The following VWC2 variants were observed in gnomAD, a reference collection of about 807,000 sequenced individuals.
VWC2 encodes von Willebrand factor C domain containing 2, also known as brorin.
Under a neutral mutation model 29.8 loss-of-function variants are expected in VWC2, and 14 were observed. That is an observed-to-expected ratio of 0.47 (90% CI 0.31 to 0.74). The LOEUF (loss-of-function observed/expected upper bound fraction) is 0.74. VWC2 is among the 30% of genes least tolerant of loss of function. The probability of loss-of-function intolerance (pLI) is 0.05; values close to 1 mark genes in which losing one functional copy is unlikely to be tolerated. For synonymous variants in VWC2, 213 were observed against 199.0 expected (o/e 1.07, Z -0.59); for missense variants, 457 against 459.8 (o/e 0.99, Z 0.05).
intron 2 of VWC2, among the ~76,000 whole-genome samples, chr7:49,785,135 T>C (rs769508627): frequency 3.9e-5 from 6 of 152,216 alleles, no homozygotes; most frequent in Non-Finnish European, 2.9e-5. Context: ...ATGAATGATA[T>C]CAATCCCATG....
intron 3 of VWC2, among the ~76,000 whole-genome samples, chr7:49,812,988 C>A (rs751038647): frequency 5.9e-5 from 9 of 152,190 alleles, no homozygotes; most frequent in Non-Finnish European, 1.0e-4. Context: ...AAACACAAGT[C>A]TATAGCTGGT....
rs900883773 is a variant in VWC2 at position 49,914,911 on chromosome 7, C to T, written c.*2726C>T. On this transcript the variant is annotated 3_prime_UTR_variant, in exon 4 of 4. Coordinates refer to ENST00000340652, the MANE Select transcript of VWC2 (RefSeq NM_198570.5). ...CATAATCACTAAAATTCAAATAGGC[C>T]TGCTCTATAAGTACCTAATAATTGT... is the stretch of plus-strand genomic sequence containing the variant. 6.6e-6 allele frequency: 1 copy of T among 152,110 alleles called. No individual in the cohort carries two copies. Among genetic ancestry groups the T allele is most frequent in the Admixed American group, 6.6e-5 (1 of 15,260 alleles). The allele number at this position is 152,110 out of a possible 1,614,324, so 9.4% of individuals were successfully genotyped here. A position where few individuals can be genotyped will look rare whatever the true frequency, so the allele number is the denominator to read the frequency against.
At chr7:49,827,289 G>A (rs1232227254) in intron 3 of VWC2, among the ~76,000 whole-genome samples, 9 of 151,780 alleles carry the variant, frequency 5.9e-5, no homozygotes, top group Non-Finnish European at 1.0e-4. Flanking sequence ...GTGAAGCTTT[G>A]CCCATTTTTT....
In VWC2 at chr7:49,915,726, C is replaced by A. The variant is rs1455279217; in HGVS notation, c.*3541C>A. The stretch of plus-strand genomic sequence containing the variant: ...TAAACTATGATTTTAAAAATATTAA[C>A]AATTTGCTAAATTTGCTTCAATGGG... On this transcript the variant is annotated 3_prime_UTR_variant, in exon 4 of 4. Coordinates refer to ENST00000340652, the MANE Select transcript of VWC2 (RefSeq NM_198570.5). 6.6e-6 allele frequency: 1 copy of A among 152,132 alleles called. No homozygotes were observed. Among genetic ancestry groups the A allele is most frequent in the East Asian group, 1.9e-4 (1 of 5,200 alleles). The allele number at this position is 152,132 out of a possible 1,614,324, so 9.4% of individuals were successfully genotyped here. A position where few individuals can be genotyped will look rare whatever the true frequency, so the allele number is the denominator to read the frequency against.
intron 3 of VWC2, among the ~76,000 whole-genome samples, chr7:49,857,009 C>CAAAAAAAAAAAAAAAAAAAAAAA (rs59910243): frequency 7.6e-5 from 4 of 52,764 alleles, no homozygotes; most frequent in Admixed American, 3.9e-4. Flanking sequence ...GATACTGTCT[C>CAAAAAAAAAAAAAAAAAAAAAAA]AAAAAAAAAA....
rs1284589915 is a variant in VWC2, at chr7:49,913,669, T to C, written c.*1484T>C. The C allele has an allele frequency of 2.0e-5, 3 of 152,206 alleles. No homozygotes were observed. Among genetic ancestry groups the C allele is most frequent in the South Asian group, 2.1e-4 (1 of 4,830 alleles). The allele number at this position is 152,206 out of a possible 1,614,324, so 9.4% of individuals were successfully genotyped here. On this transcript the variant is annotated 3_prime_UTR_variant, in exon 4 of 4. Transcript: ENST00000340652. ...CTTTCGGTCTCTGGCATAAGAAGTA[T>C]ATGAAATCATAATGTATTGTATTAG...
At position 49,913,437 on chromosome 7, in the gene VWC2, T is replaced by C. The variant is rs531214094; in HGVS notation, c.*1252T>C. The C allele has an allele frequency of 6.6e-6, 1 of 152,328 alleles. No individual in the cohort carries two copies. Among genetic ancestry groups the C allele is most frequent in the Non-Finnish European group, 1.5e-5 (1 of 68,026 alleles). 9.4% of individuals were successfully genotyped at this position (152,328 alleles called of 1,614,324 possible). A position where few individuals can be genotyped will look rare whatever the true frequency, so the allele number is the denominator to read the frequency against. On this transcript the variant is annotated 3_prime_UTR_variant, in exon 4 of 4. Transcript: ENST00000340652. ...TGCGGTGTGTTGATGAAAGAGGTAA[T>C]TGGAGTCTTAATAGGTGTAGGATAA...
intron 3 of VWC2, among the ~76,000 whole-genome samples, chr7:49,808,493 A>C (rs2128706974): frequency 6.6e-6 from 1 of 152,228 alleles, no homozygotes; most frequent in South Asian, 2.1e-4. Context: ...AATGAACAAT[A>C]ATATAGAAGA....
intron 3 of VWC2, among the ~76,000 whole-genome samples, chr7:49,850,992 A>G (rs891042690): frequency 2.6e-5 from 4 of 152,154 alleles, no homozygotes; most frequent in Non-Finnish European, 4.4e-5. Context: ...GCTTTAAGGA[A>G]TGTCAGTTTA....
At chr7:49,804,332 G>T (rs540189551) in intron 3 of VWC2, among the ~76,000 whole-genome samples, 3 of 152,264 alleles carry the variant, frequency 2.0e-5, no homozygotes, top group Admixed American at 1.3e-4. Flanking sequence ...CAGAGTCTCG[G>T]TGTGGCTTTC....
At chr7:49,851,018 G>T (rs1441346018) in intron 3 of VWC2, among the ~76,000 whole-genome samples, 1 of 152,174 alleles carries the variant, frequency 6.6e-6, no homozygotes, top group East Asian at 1.9e-4. Flanking sequence ...CCGCAATTCT[G>T]CAGGCCAGAA....
chr7:49,816,169 G>A (rs1418242481), intron 3 of VWC2, among the ~76,000 whole-genome samples: 1 of 152,176 alleles, frequency 6.6e-6, no homozygotes, highest in Admixed American at 6.6e-5. Context: ...TGTAAGAATG[G>A]ATGCCGACTA....
chr7:49,801,879 G>A (rs1788745900), intron 2 of VWC2, among the ~76,000 whole-genome samples: 1 of 152,222 alleles, frequency 6.6e-6, no homozygotes, highest in African/African-American at 2.4e-5. Flanking sequence ...TATTCATAGA[G>A]CTCCCGGCCC....
rs1432148974 is a variant in VWC2, at chr7:49,921,414, A to G, written c.*9229A>G. The G allele has an allele frequency of 2.0e-5, 3 of 152,182 alleles. No individual in the cohort carries two copies. The highest frequency in any genetic ancestry group is 4.4e-5 in the Non-Finnish European group (3 of 68,020). The allele number at this position is 152,182 out of a possible 1,614,324, so 9.4% of individuals were successfully genotyped here. ...TAAGTATTCTCAATAAACGTTTGCA[A>G]TTTATTTGCTTTAATGTAACTTGGC... On this transcript the variant is annotated 3_prime_UTR_variant, in exon 4 of 4. Coordinates refer to ENST00000340652, the MANE Select transcript of VWC2 (RefSeq NM_198570.5).
At position 49,920,875 on chromosome 7, in the gene VWC2, T is replaced by C. The variant is rs1793987960; in HGVS notation, c.*8690T>C. 1 of 152,220 alleles carries C rather than the reference T, an allele frequency of 6.6e-6. No homozygotes were observed. Among genetic ancestry groups the C allele is most frequent in the Non-Finnish European group, 1.5e-5 (1 of 68,046 alleles). 9.4% of individuals were successfully genotyped at this position (152,220 alleles called of 1,614,324 possible). A position where few individuals can be genotyped will look rare whatever the true frequency, so the allele number is the denominator to read the frequency against. On this transcript the variant is annotated 3_prime_UTR_variant, in exon 4 of 4. Coordinates refer to ENST00000340652, the MANE Select transcript of VWC2 (RefSeq NM_198570.5). Reference sequence around the variant, plus strand: ...AATGTAAAATTATAGCTTTTTGTCTTCATTTCTAATAGACTGTTATAGGGG... The same window carrying C: ...AATGTAAAATTATAGCTTTTTGTCTCCATTTCTAATAGACTGTTATAGGGG...
chr7:49,894,087 C>T (rs1482383348), intron 3 of VWC2, among the ~76,000 whole-genome samples: 2 of 152,158 alleles, frequency 1.3e-5, no homozygotes, highest in East Asian at 1.9e-4. Context: ...CTATGTGTGT[C>T]GTTTCTAGGC....
intron 3 of VWC2, among the ~76,000 whole-genome samples, chr7:49,836,794 A>G (rs1170906431): frequency 6.6e-6 from 1 of 152,166 alleles, no homozygotes; most frequent in Non-Finnish European, 1.5e-5. Context: ...TACAAAAGAA[A>G]CCAAACCACT....
intron 3 of VWC2, among the ~76,000 whole-genome samples, chr7:49,910,571 A>AG (rs1224611674): frequency 2.3e-4 from 35 of 150,894 alleles, no homozygotes; most frequent in African/African-American, 8.6e-4. Context: ...TGAGATCTAC[A>AG]GGTATGAACC....
intron 3 of VWC2, among the ~76,000 whole-genome samples, chr7:49,897,044 C>T (rs1420010224): frequency 2.0e-5 from 3 of 151,830 alleles, no homozygotes; most frequent in Non-Finnish European, 2.9e-5. Context: ...TACAGGCGCC[C>T]GCCACCTCGC....
Sources: gnomAD v4.1 joint callset for allele counts (sites outside exome capture counted in the v4.1 genomes callset) on GRCh38, gnomAD v4.1.1 for gene constraint, MANE v1.5 for transcripts, NCBI Gene and HGNC (gene_info 2026-07-23, HGNC 2026-07-21) for gene names.